Variants in DPH5 observed in about 807,000 individuals in gnomAD.
DPH5 encodes the protein diphthine methyl ester synthase.
A neutral mutation model predicts 31.6 loss-of-function variants in DPH5; 31 were observed. The observed-to-expected ratio is 0.98, with a 90% confidence interval of 0.74 to 1.32. The LOEUF is 1.32. Among genes scored for constraint, DPH5 ranks in the 40% most tolerant of loss-of-function variants. The pLI is 0.00. For synonymous variants in DPH5, 120 were observed against 115.0 expected (o/e 1.04, Z -0.28); for missense variants, 309 against 335.7 (o/e 0.92, Z 0.62).
chr1:101,015,982 G>A (rs1213429072), intron 3 of DPH5, among the ~76,000 whole-genome samples: 1 of 152,098 alleles, frequency 6.6e-6, no homozygotes, highest in African/African-American at 2.4e-5. Context: ...ACACTAAAAC[G>A]TTCTCCCTAT....
intron 6 of DPH5, 61 bp downstream of exon 6, chr1:100,995,048 GA>G: frequency 8.5e-7 from 1 of 1,170,430 alleles, no homozygotes; most frequent in Non-Finnish European, 1.3e-6. Flanking sequence ...CATTTAAGTA[GA>G]ATGTATTGAA....
Position 100,990,162 on chromosome 1 carries a change from C to A in DPH5, c.*246G>T. ...CGGTGGAAGGCACCTCTTCACAGGG[C>A]GGCAAGAGTGAGAATGAGAGCCAGT... is the stretch of plus-strand genomic sequence containing the variant. On this transcript the variant is annotated 3_prime_UTR_variant, in exon 8 of 8. Coordinates refer to ENST00000370109, the MANE Select transcript of DPH5 (RefSeq NM_015958.3). The A allele has an allele frequency of 2.1e-6, 1 of 485,850 alleles. No homozygotes were observed. Among genetic ancestry groups the A allele is most frequent in the Non-Finnish European group, 3.7e-6 (1 of 269,662 alleles). The allele number at this position is 485,850 out of a possible 1,614,324, so 30.1% of individuals were successfully genotyped here.
In DPH5 at chr1:100,992,520, GTACAA is replaced by G. The variant is rs1450874187; in HGVS notation, c.634+112_634+116del. On this transcript the variant is annotated intron_variant, in intron 7 of 7. Transcript: ENST00000370109. ...AGTTGGACAAAAATGACAAGAAATA[GTACAA>G]TACAAAAATACTGACTCTTGCTTCC... is the stretch of plus-strand genomic sequence containing the variant. The G allele has an allele frequency of 7.9e-5, 53 of 672,272 alleles. 1 individual carries two copies. In the East Asian group the frequency reaches 1.4e-3, roughly 18 times the overall value. The allele number at this position is 672,272 out of a possible 1,614,324, so 41.6% of individuals were successfully genotyped here.
At chr1:101,022,067 A>G (rs1196177884) in intron 2 of DPH5, among the ~76,000 whole-genome samples, 1 of 152,258 alleles carries the variant, frequency 6.6e-6, no homozygotes, top group African/African-American at 2.4e-5. Flanking sequence ...AAGGCCAAAT[A>G]GAACACTGTA....
chr1:101,005,214 T>TA (rs927290479), intron 4 of DPH5, among the ~76,000 whole-genome samples: 3 of 152,282 alleles, frequency 2.0e-5, no homozygotes, highest in East Asian at 1.9e-4. Context: ...GTATTAAAGC[T>TA]AAAAAAATCT....
At chr1:101,016,615 T>A (rs1394651275) in intron 3 of DPH5, among the ~76,000 whole-genome samples, 2 of 151,540 alleles carry the variant, frequency 1.3e-5, no homozygotes, top group African/African-American at 4.8e-5. Flanking sequence ...CCAGCTAATT[T>A]TTGTATTTTT....
intron 4 of DPH5, among the ~76,000 whole-genome samples, chr1:101,006,051 G>A (rs1659208018): frequency 6.6e-6 from 1 of 152,186 alleles, no homozygotes; most frequent in African/African-American, 2.4e-5. Flanking sequence ...GAAGAAGGAT[G>A]TGTTTGCTTC....
chr1:101,021,800 CA>C, intron 2 of DPH5, 35 bp from the exon 3 acceptor site: 1 of 1,539,738 alleles, frequency 6.5e-7, no homozygotes, highest in Non-Finnish European at 8.8e-7. Flanking sequence ...GATAAAGAGA[CA>C]GCAGGTGACC....
In DPH5 at chr1:100,990,295, C is replaced by G; in HGVS notation, c.*113G>C. 1 of 965,360 alleles carries G rather than the reference C, an allele frequency of 1.0e-6. No homozygotes were observed. Among genetic ancestry groups the G allele is most frequent in the Non-Finnish European group, 1.6e-6 (1 of 633,104 alleles). The allele number at this position is 965,360 out of a possible 1,614,324, so 59.8% of individuals were successfully genotyped here. On this transcript the variant is annotated 3_prime_UTR_variant, in exon 8 of 8. Coordinates refer to ENST00000370109, the MANE Select transcript of DPH5 (RefSeq NM_015958.3). ...CATGATTCAATTACCTACCACAACA[C>G]CTGGGAATTATGAGGATTAAAATTC... is the stretch of plus-strand genomic sequence containing the variant.
At chr1:101,007,670 G>A (rs1023712437) in intron 4 of DPH5, among the ~76,000 whole-genome samples, 3 of 151,386 alleles carry the variant, frequency 2.0e-5, no homozygotes, top group South Asian at 2.1e-4. Context: ...AGCTGAGATC[G>A]CGCCATTGCA....
chr1:100,993,559 A>AATATAAATATATATATAT (rs1553247258), intron 6 of DPH5, among the ~76,000 whole-genome samples: 3 of 56,534 alleles, frequency 5.3e-5, no homozygotes, highest in African/African-American at 1.2e-4. Flanking sequence ...CGAAAATATA[A>AATATAAATATATATATAT]ATATATATAT....
rs1657879497 is a variant in DPH5, at chr1:100,992,717, G to T, written c.554C>A (p.Pro185Gln). Residue 185 changes from proline (P) to glutamine (Q), a missense_variant, in exon 7 of 8, where the codon CCA becomes CAA. Coordinates refer to ENST00000370109, the MANE Select transcript of DPH5 (RefSeq NM_015958.3). ...TGCTTGGTTTACACTCATATACCGT[G>T]GAGGTTCATAGATCTTCCTTCCCCT... ...LIKGRKIYEP[P>Q]RYMSVNQAAQ... 1 of 1,613,134 alleles carries T rather than the reference G, an allele frequency of 6.2e-7. No homozygotes were observed. The highest frequency in any genetic ancestry group is 8.5e-7 in the Non-Finnish European group (1 of 1,179,430).
chr1:101,020,222 C>A (rs1660348681), intron 3 of DPH5, among the ~76,000 whole-genome samples: 1 of 152,084 alleles, frequency 6.6e-6, no homozygotes. Context: ...TCTGTTGAAC[C>A]CTATCCAGAC....
intron 4 of DPH5, among the ~76,000 whole-genome samples, chr1:101,008,243 A>G (rs974538643): frequency 2.0e-5 from 3 of 152,180 alleles, no homozygotes; most frequent in African/African-American, 7.2e-5. Flanking sequence ...TAAAACATCA[A>G]TAGAGTTAAA....
At chr1:100,995,600 T>C (rs1230370943) in intron 5 of DPH5, 1 of 157,214 alleles carries the variant, frequency 6.4e-6, no homozygotes, top group Non-Finnish European at 1.4e-5. Flanking sequence ...TAATTTTGAA[T>C]AAATACTTTA....
chr1:101,000,646 T>C (rs1326793032), intron 5 of DPH5, among the ~76,000 whole-genome samples: 2 of 152,224 alleles, frequency 1.3e-5, no homozygotes, highest in Non-Finnish European at 2.9e-5. Flanking sequence ...AGAAGTATCA[T>C]TGCAAAGTCA....
At chr1:101,023,965 T>G (rs995851263) in intron 2 of DPH5, among the ~76,000 whole-genome samples, 1 of 152,266 alleles carries the variant, frequency 6.6e-6, no homozygotes, top group Admixed American at 6.5e-5. Flanking sequence ...TGTTTTGTTA[T>G]TTGTCTGTCT....
intron 3 of DPH5, among the ~76,000 whole-genome samples, chr1:101,018,332 G>A (rs1660223564): frequency 6.6e-6 from 1 of 151,730 alleles, no homozygotes; most frequent in Admixed American, 6.6e-5. Flanking sequence ...CCGCCTCCCG[G>A]GTTCAATCAA....
intron 4 of DPH5, among the ~76,000 whole-genome samples, chr1:101,008,792 T>C (rs184399336): frequency 6.6e-6 from 1 of 152,380 alleles, no homozygotes; most frequent in East Asian, 1.9e-4. Flanking sequence ...ATAATTCATT[T>C]TTTTAACCAC....
Sources: gnomAD v4.1 joint callset for allele counts (sites outside exome capture counted in the v4.1 genomes callset) on GRCh38, gnomAD v4.1.1 for gene constraint, MANE v1.5 for transcripts, NCBI Gene and HGNC (gene_info 2026-07-23, HGNC 2026-07-21) for gene names.